Variants in RYR2 observed in about 807,000 individuals in gnomAD.
RYR2 encodes cardiac muscle ryanodine receptor-calcium release channel.
In RYR2, 227 loss-of-function variants were observed where a neutral mutation model predicts 601.1. The ratio of observed to expected loss-of-function variants is 0.38; its 90% confidence interval spans 0.34 to 0.42. The LOEUF is 0.42. Among genes scored for constraint, RYR2 ranks in the 10% least tolerant of loss-of-function variants. The pLI is 1.00. For synonymous variants in RYR2, 2,223 were observed against 2,175.1 expected (o/e 1.02, Z -0.61); for missense variants, 4,646 against 6,156.5 (o/e 0.75, Z 8.21).
intron 62 of RYR2, 88 bp from the exon 63 acceptor site, chr1:237,687,366 CT>C (rs10679267): frequency 0.027 from 6,989 of 257,140 alleles, 4 homozygotes; most frequent in East Asian, 0.05. Context: ...TTTTCTTCTT[CT>C]TTTTTTTTTT....
At chr1:237,071,583 G>A (rs990120232) in intron 1 of RYR2, among the ~76,000 whole-genome samples, 6 of 152,136 alleles carry the variant, frequency 3.9e-5, no homozygotes, top group Non-Finnish European at 7.4e-5. Context: ...GTCCACGGTC[G>A]GCCATGGCAG....
intron 1 of RYR2, among the ~76,000 whole-genome samples, chr1:237,187,200 T>G (rs1386679966): frequency 6.6e-6 from 1 of 150,804 alleles, no homozygotes; most frequent in East Asian, 2.0e-4. Flanking sequence ...AGGTGGGGTC[T>G]CACTCTGTCG....
chr1:237,426,339 A>G (rs1706150604), intron 12 of RYR2, among the ~76,000 whole-genome samples: 1 of 152,140 alleles, frequency 6.6e-6, no homozygotes, highest in African/African-American at 2.4e-5. Flanking sequence ...CTGTATCTAT[A>G]TATTTGCTCT....
intron 20 of RYR2, among the ~76,000 whole-genome samples, chr1:237,497,977 T>A (rs1453443615): frequency 1.3e-5 from 2 of 152,032 alleles, no homozygotes; most frequent in African/African-American, 2.4e-5. Context: ...TTCTCATGCC[T>A]CAGCCTCCTG....
intron 16 of RYR2, among the ~76,000 whole-genome samples, chr1:237,467,644 G>T (rs777837061): frequency 6.6e-6 from 1 of 152,076 alleles, no homozygotes; most frequent in Non-Finnish European, 1.5e-5. Context: ...TGAAGTTGGC[G>T]TCTTTTCTGT....
chr1:237,760,371 A>AG (rs1693324542), intron 83 of RYR2, among the ~76,000 whole-genome samples: 1 of 150,484 alleles, frequency 6.6e-6, no homozygotes. Context: ...TAAAAAAAAA[A>AG]AAAAAAAAAA....
At chr1:237,191,515 G>A (rs1191968510) in intron 1 of RYR2, among the ~76,000 whole-genome samples, 1 of 151,750 alleles carries the variant, frequency 6.6e-6, no homozygotes, top group Non-Finnish European at 1.5e-5. Flanking sequence ...GGAAGAAGCT[G>A]TTTACCAGGC....
chr1:237,490,949 T>A (rs1190580852), intron 17 of RYR2, among the ~76,000 whole-genome samples: 3 of 152,338 alleles, frequency 2.0e-5, no homozygotes, highest in Non-Finnish European at 1.5e-5. Context: ...TTAGAGGTGA[T>A]GTTTTCTGTA....
chr1:237,515,637 TCA>T (rs1666350711), intron 24 of RYR2, among the ~76,000 whole-genome samples: 1 of 30,312 alleles, frequency 3.3e-5, no homozygotes, highest in African/African-American at 1.3e-4. Context: ...CCTCCCTCCA[TCA>T]CCCACCCCTT....
At chr1:237,382,603 A>T (rs1477702712) in intron 8 of RYR2, among the ~76,000 whole-genome samples, 1 of 133,450 alleles carries the variant, frequency 7.5e-6, no homozygotes, top group African/African-American at 2.9e-5. Flanking sequence ...TTCAATTCCC[A>T]CCTATGAGTG....
Position 237,700,215 on chromosome 1 carries a change from T to C in RYR2, c.9129-14T>C. ...CTGTTGGAAGATACGAGTCCTCCCT[T>C]ATTTACTTTCTAGGACAGTGATGAA... On this transcript the variant is annotated splice_polypyrimidine_tract_variant and intron_variant, in intron 64 of 104. Transcript: ENST00000366574. 4.1e-6 allele frequency: 6 copies of C among 1,450,684 alleles called. No homozygotes were observed. The highest frequency in any genetic ancestry group is 5.7e-6 in the Non-Finnish European group (6 of 1,055,924). 89.9% of individuals were successfully genotyped at this position (1,450,684 alleles called of 1,614,324 possible).
intron 43 of RYR2, among the ~76,000 whole-genome samples, chr1:237,634,330 G>A (rs535708483): frequency 6.6e-6 from 1 of 152,180 alleles, no homozygotes; most frequent in East Asian, 1.9e-4. Context: ...TGAACCTGGA[G>A]GATATTACAT....
rs1234871623 is a variant in RYR2, at chr1:237,312,195, A to G, written c.169-18683A>G. 3.9e-5 allele frequency among the ~76,000 whole-genome samples: 6 copies of G among 152,194 alleles called. No individual in the cohort carries two copies. The South Asian group carries it at 6.2e-4, about 16-fold the overall frequency. On this transcript the variant is annotated intron_variant, in intron 2 of 104. Coordinates refer to ENST00000366574, the MANE Select transcript of RYR2 (RefSeq NM_001035.3). ...TGTTCATAAAGAGAAATAGGTAAAT[A>G]TAACCACTAATAGAGTTGGCTGCTT... is the stretch of plus-strand genomic sequence containing the variant.
Position 237,230,280 on chromosome 1 carries a change from C to T in RYR2, c.49-40217C>T, listed in dbSNP as rs550057897. 4.7e-3 allele frequency among the ~76,000 whole-genome samples: 722 copies of T among 152,218 alleles called. 9 individuals carry two copies. Among genetic ancestry groups the T allele is most frequent in the African/African-American group, 0.017 (696 of 41,532 alleles). The stretch of plus-strand genomic sequence containing the variant: ...AAAAATAAATGTTACCAATATTATC[C>T]CTAATGCTATTTTATTTGCTTAGAA... On this transcript the variant is annotated intron_variant, in intron 1 of 104. Transcript: ENST00000366574.
At chr1:237,492,266 A>G (rs911696650) in intron 18 of RYR2, among the ~76,000 whole-genome samples, 5 of 152,194 alleles carry the variant, frequency 3.3e-5, no homozygotes, top group African/African-American at 4.8e-5. Context: ...TCCTGACCTC[A>G]GGTGATCCAC....
chr1:237,817,035 C>CA (rs1186974459), intron 100 of RYR2, among the ~76,000 whole-genome samples: 1 of 152,146 alleles, frequency 6.6e-6, no homozygotes, highest in Non-Finnish European at 1.5e-5. Flanking sequence ...GACCTTTCTG[C>CA]AAAAGAGACC....
At chr1:237,474,077 C>T (rs1661088099) in intron 17 of RYR2, among the ~76,000 whole-genome samples, 1 of 151,624 alleles carries the variant, frequency 6.6e-6, no homozygotes, top group African/African-American at 2.4e-5. Context: ...AGTAGAGGCT[C>T]CGGGAGTTGA....
At chr1:237,071,654 C>T (rs1664343342) in intron 1 of RYR2, among the ~76,000 whole-genome samples, 1 of 152,200 alleles carries the variant, frequency 6.6e-6, no homozygotes, top group Non-Finnish European at 1.5e-5. Context: ...GAACTGGCCC[C>T]CTGGCCCCCA....
chr1:237,390,860 T>C (rs1572106503), intron 10 of RYR2, among the ~76,000 whole-genome samples: 1 of 152,188 alleles, frequency 6.6e-6, no homozygotes, highest in Admixed American at 6.5e-5. Context: ...CTATCAGGAC[T>C]CTTGGTAGGT....
Sources: gnomAD v4.1 joint callset for allele counts (sites outside exome capture counted in the v4.1 genomes callset) on GRCh38, gnomAD v4.1.1 for gene constraint, MANE v1.5 for transcripts, NCBI Gene and HGNC (gene_info 2026-07-23, HGNC 2026-07-21) for gene names.